The following RBM6 variants were observed in gnomAD, a reference collection of about 807,000 sequenced individuals.
RBM6 encodes RNA binding motif protein 6.
Under a neutral mutation model 140.4 loss-of-function variants are expected in RBM6, and 23 were observed. That is an observed-to-expected ratio of 0.16 (90% CI 0.12 to 0.23). The LOEUF is 0.23. Among genes scored for constraint, RBM6 ranks in the 10% least tolerant of loss-of-function variants. RBM6 has a pLI of 1.00. For synonymous variants in RBM6, 439 were observed against 475.6 expected (o/e 0.92, Z 1.00); for missense variants, 1,139 against 1,386.7 (o/e 0.82, Z 2.84).
At chr3:50,062,256 G>C in intron 15 of RBM6, 148 bp downstream of exon 15, 1 of 954,544 alleles carries the variant, frequency 1.0e-6, no homozygotes, top group Non-Finnish European at 1.5e-6. Context: ...TGTAATCCCA[G>C]CACTTTGGGA....
Position 49,959,760 on chromosome 3 carries a change from C to CG in RBM6, c.-66-2812dup, listed in dbSNP as rs549218435. Among the ~76,000 whole-genome samples the CG allele has an allele frequency of 9.1e-3, 1,376 of 151,224 alleles. 22 individuals are homozygous for CG. The highest frequency in any genetic ancestry group is 0.032 in the African/African-American group (1,328 of 41,124). On this transcript the variant is annotated intron_variant, in intron 1 of 20. Coordinates refer to ENST00000266022, the MANE Select transcript of RBM6 (RefSeq NM_005777.3). Reference sequence around the variant, plus strand: ...TAATTTTTTGTATTTTTAGTAGAGACGGGGTGTCACCATGTTGGCCAGGCT... The same window carrying CG: ...TAATTTTTTGTATTTTTAGTAGAGACGGGGGTGTCACCATGTTGGCCAGGCT...
chr3:49,982,613 T>C (rs897722178), intron 5 of RBM6, among the ~76,000 whole-genome samples: 2 of 151,910 alleles, frequency 1.3e-5, no homozygotes, highest in African/African-American at 4.8e-5. Flanking sequence ...AGACGGGGTT[T>C]CATCATGTTG....
rs369388491 is a variant in RBM6, at chr3:50,071,812, G to A, written c.3116+1260G>A. Reference sequence around the variant, plus strand: ...TGAAAAGGAAAAATGGGGGCCAGGCGTGGTGGCTTACGCCTGTAATCCCAG... The same window carrying A: ...TGAAAAGGAAAAATGGGGGCCAGGCATGGTGGCTTACGCCTGTAATCCCAG... On this transcript the variant is annotated intron_variant, in intron 19 of 20. Transcript: ENST00000266022. Among the ~76,000 whole-genome samples, 4 of 152,286 alleles carry A rather than the reference G, an allele frequency of 2.6e-5. No individual in the cohort carries two copies. The South Asian group carries it at 6.2e-4, about 24-fold the overall frequency.
In RBM6 at chr3:50,010,240, A is replaced by G. The variant is rs1299024376; in HGVS notation, c.1557+10727A>G. Among the ~76,000 whole-genome samples, 6 of 152,294 alleles carry G rather than the reference A, an allele frequency of 3.9e-5. No homozygotes were observed. The East Asian group carries it at 7.7e-4, about 20-fold the overall frequency. Reference sequence around the variant, plus strand: ...GAGATTTGTGAGGTTAATTTTGTATATTAATGATGTATATATTACCAAAAT... The same window carrying G: ...GAGATTTGTGAGGTTAATTTTGTATGTTAATGATGTATATATTACCAAAAT... On this transcript the variant is annotated intron_variant, in intron 6 of 20. Transcript: ENST00000266022.
intron 6 of RBM6, chr3:50,047,365 A>G: frequency 1.0e-6 from 1 of 982,242 alleles, no homozygotes; most frequent in Non-Finnish European, 1.2e-6. Context: ...GTCCCTTGTC[A>G]GTAGGCAGAG....
At chr3:49,999,202 G>A (rs2086215884) in intron 5 of RBM6, among the ~76,000 whole-genome samples, 1 of 152,060 alleles carries the variant, frequency 6.6e-6, no homozygotes, top group African/African-American at 2.4e-5. Context: ...GAGGGCAAAG[G>A]ATCTTCTTGG....
intron 5 of RBM6, among the ~76,000 whole-genome samples, chr3:49,987,197 C>T (rs997376094): frequency 6.6e-6 from 1 of 151,984 alleles, no homozygotes; most frequent in Non-Finnish European, 1.5e-5. Flanking sequence ...CTCAGCCTCC[C>T]AAGTAGCCTC....
chr3:50,018,950 A>G (rs1480416369), intron 6 of RBM6, among the ~76,000 whole-genome samples: 1 of 151,924 alleles, frequency 6.6e-6, no homozygotes, highest in Non-Finnish European at 1.5e-5. Flanking sequence ...AGCGATTACA[A>G]TTTGCATTGC....
At chr3:50,051,724 T>C (rs1035059920) in intron 7 of RBM6, among the ~76,000 whole-genome samples, 1 of 152,238 alleles carries the variant, frequency 6.6e-6, no homozygotes, top group Admixed American at 6.5e-5. Flanking sequence ...ATGGCGGTAT[T>C]ATTCATAATA....
intron 5 of RBM6, among the ~76,000 whole-genome samples, chr3:49,997,327 G>A (rs2086131653): frequency 6.6e-6 from 1 of 152,124 alleles, no homozygotes; most frequent in Non-Finnish European, 1.5e-5. Context: ...TTGATGTCTA[G>A]AAATGCTATA....
chr3:50,073,161 CCT>C (rs771648813), intron 19 of RBM6, among the ~76,000 whole-genome samples: 3 of 152,188 alleles, frequency 2.0e-5, no homozygotes, highest in Non-Finnish European at 2.9e-5. Flanking sequence ...TCCTTTATCC[CCT>C]GTGTCCAATT....
intron 8 of RBM6, among the ~76,000 whole-genome samples, chr3:50,057,390 C>T (rs2089745328): frequency 6.6e-6 from 1 of 151,920 alleles, no homozygotes; most frequent in African/African-American, 2.4e-5. Context: ...AGTTCGAGAC[C>T]AGCCTGGCCA....
At position 50,065,476 on chromosome 3, in the gene RBM6, A is replaced by G. The variant is rs1339966921; in HGVS notation, c.2682+350A>G. The G allele has an allele frequency of 6.7e-6, 3 of 445,228 alleles. No homozygotes were observed. In the Admixed American group the frequency reaches 8.1e-5, roughly 12 times the overall value. The allele number at this position is 445,228 out of a possible 1,614,324, so 27.6% of individuals were successfully genotyped here. A position where few individuals can be genotyped will look rare whatever the true frequency, so the allele number is the denominator to read the frequency against. ...GCCTCAATCTTTCCTGCCTTTTGGC[A>G]TCACACAAGAATCTCTTAGATATGG... On this transcript the variant is annotated intron_variant, in intron 16 of 20. Coordinates refer to ENST00000266022, the MANE Select transcript of RBM6 (RefSeq NM_005777.3).
At chr3:50,024,223 G>C (rs760869608) in intron 6 of RBM6, among the ~76,000 whole-genome samples, 1 of 152,310 alleles carries the variant, frequency 6.6e-6, no homozygotes, top group East Asian at 1.9e-4. Flanking sequence ...CTTTTGAAGT[G>C]TGCAAATGGA....
chr3:50,062,998 G>A (rs751447422), intron 15 of RBM6, among the ~76,000 whole-genome samples: 45 of 149,072 alleles, frequency 3.0e-4, no homozygotes, highest in Non-Finnish European at 5.3e-4. Flanking sequence ...GGCTTAAGCA[G>A]TCCTCCCACC....
chr3:50,074,660 A>T (rs1381693100), intron 19 of RBM6, among the ~76,000 whole-genome samples: 1 of 152,200 alleles, frequency 6.6e-6, no homozygotes, highest in Admixed American at 6.5e-5. Flanking sequence ...TCAATGTTCT[A>T]TAAGCATCTC....
At chr3:50,025,536 A>G (rs1402296156) in intron 6 of RBM6, among the ~76,000 whole-genome samples, 1 of 116,788 alleles carries the variant, frequency 8.6e-6, no homozygotes, top group Non-Finnish European at 1.8e-5. Flanking sequence ...TTTTCTATGT[A>G]TCTTCTGTCT....
At chr3:49,944,105 T>C (rs915639436) in intron 1 of RBM6, among the ~76,000 whole-genome samples, 2 of 152,124 alleles carry the variant, frequency 1.3e-5, no homozygotes, top group African/African-American at 4.8e-5. Context: ...GCTTCAGAAC[T>C]TTTTTCATCT....
chr3:50,059,462 T>G, intron 10 of RBM6, 187 bp from the exon 11 acceptor site: 1 of 498,964 alleles, frequency 2.0e-6, no homozygotes, highest in Non-Finnish European at 3.6e-6. Flanking sequence ...TTCCAATCAG[T>G]CCTTCATTAA....
Sources: gnomAD v4.1 joint callset for allele counts (sites outside exome capture counted in the v4.1 genomes callset) on GRCh38, gnomAD v4.1.1 for gene constraint, MANE v1.5 for transcripts, NCBI Gene and HGNC (gene_info 2026-07-23, HGNC 2026-07-21) for gene names.